OR14I1: variants seen among roughly 807,000 people sequenced by gnomAD.
OR14I1 encodes the protein olfactory receptor family 14 subfamily I member 1, also known as olfactory receptor 14I1.
For missense variants in OR14I1, 279 were observed against 181.8 expected (o/e 1.53, Z -3.07); for synonymous variants, 118 against 71.1 (o/e 1.66, Z -3.32).
the OR14I1 span, among the ~76,000 whole-genome samples, chr1:248,694,021 G>T: frequency 6.6e-6 from 1 of 152,112 alleles, no homozygotes; most frequent in Non-Finnish European, 1.5e-5. Context: ...TTTTCTTCAA[G>T]TTCACATGCC....
chr1:248,699,396 CTG>C, the OR14I1 span, among the ~76,000 whole-genome samples: 1 of 152,188 alleles, frequency 6.6e-6, no homozygotes, highest in African/African-American at 2.4e-5. Context: ...AAGTAGAAGA[CTG>C]TGGGTTTGAT....
At chr1:248,694,192 G>T in the OR14I1 span, among the ~76,000 whole-genome samples, 1 of 152,188 alleles carries the variant, frequency 6.6e-6, no homozygotes. Flanking sequence ...GCTGATCAGA[G>T]ATTGCTTAGT....
chr1:248,686,683 A>C (rs2103135972), upstream of OR14I1, among the ~76,000 whole-genome samples: 1 of 148,396 alleles, frequency 6.7e-6, no homozygotes, highest in African/African-American at 2.5e-5. Flanking sequence ...AAAAATTTGA[A>C]ATGATTGCTT....
the OR14I1 span, among the ~76,000 whole-genome samples, chr1:248,694,586 A>C: frequency 6.6e-6 from 1 of 152,130 alleles, no homozygotes; most frequent in African/African-American, 2.4e-5. Context: ...TTTTCATTTC[A>C]TCAGAATATG....
exon 1 of OR14I1, chr1:248,681,447 G>T: frequency 1.3e-6 from 1 of 780,948 alleles, no homozygotes; most frequent in Non-Finnish European, 2.4e-6. Context: ...GACTATATAT[G>T]ATGGGATTGA....
chr1:248,694,288 CT>C, the OR14I1 span, among the ~76,000 whole-genome samples: 1 of 152,066 alleles, frequency 6.6e-6, no homozygotes, highest in Non-Finnish European at 1.5e-5. Context: ...AATTTTAAAA[CT>C]TTTTTTCATA....
At chr1:248,693,906 A>G in the OR14I1 span, among the ~76,000 whole-genome samples, 1 of 152,032 alleles carries the variant, frequency 6.6e-6, no homozygotes, top group African/African-American at 2.4e-5. Context: ...TTTTAAAAAA[A>G]AAAAAAAAAA....
At chr1:248,694,593 T>C in the OR14I1 span, among the ~76,000 whole-genome samples, 5 of 152,236 alleles carry the variant, frequency 3.3e-5, no homozygotes, top group Admixed American at 3.3e-4. Flanking sequence ...TTCATCAGAA[T>C]ATGGCCATAT....
chr1:248,682,464 A>G (rs941434938), upstream of OR14I1, among the ~76,000 whole-genome samples: 1 of 152,198 alleles, frequency 6.6e-6, no homozygotes, highest in Middle Eastern at 3.2e-3. Flanking sequence ...ATGGTGGGAG[A>G]TTTTTAACAT....
upstream of OR14I1, among the ~76,000 whole-genome samples, chr1:248,686,973 A>C (rs1351740230): frequency 6.6e-6 from 1 of 152,204 alleles, no homozygotes; most frequent in Non-Finnish European, 1.5e-5. Flanking sequence ...GGGCCGCCAC[A>C]GTCTGGAGGA....
At chr1:248,688,303 G>C in the OR14I1 span, among the ~76,000 whole-genome samples, 1 of 152,200 alleles carries the variant, frequency 6.6e-6, no homozygotes, top group African/African-American at 2.4e-5. Flanking sequence ...TTAAGCCAAC[G>C]CTTTCTTCCT....
At chr1:248,682,020 A>G (rs1558190171) in exon 1 of OR14I1, 1 of 781,072 alleles carries the variant, frequency 1.3e-6, no homozygotes. Context: ...CTTGAGCCAC[A>G]CAGCCAAGAT....
upstream of OR14I1, among the ~76,000 whole-genome samples, chr1:248,685,815 GTATA>G (rs1266452320): frequency 2.0e-5 from 3 of 150,736 alleles, no homozygotes; most frequent in East Asian, 2.0e-4. Context: ...CATATAGTGT[GTATA>G]TATAGTTACT....
At chr1:248,700,218 G>T in the OR14I1 span, among the ~76,000 whole-genome samples, 1 of 152,050 alleles carries the variant, frequency 6.6e-6, no homozygotes, top group Non-Finnish European at 1.5e-5. Context: ...CCCCAACCAG[G>T]GTGACTTTAA....
At chr1:248,685,820 T>C (rs1022404388), upstream of OR14I1, among the ~76,000 whole-genome samples, 1 of 151,216 alleles carries the variant, frequency 6.6e-6, no homozygotes, top group Non-Finnish European at 1.5e-5. Flanking sequence ...AGTGTGTATA[T>C]ATAGTTACTG....
At chr1:248,690,622 A>AAT in the OR14I1 span, among the ~76,000 whole-genome samples, 1 of 27,768 alleles carries the variant, frequency 3.6e-5, no homozygotes, top group African/African-American at 7.7e-5. Flanking sequence ...AAAAAAAAAA[A>AAT]AGCCCAGGAA....
At chr1:248,698,247 T>C in the OR14I1 span, among the ~76,000 whole-genome samples, 3 of 152,234 alleles carry the variant, frequency 2.0e-5, no homozygotes, top group Non-Finnish European at 4.4e-5. Context: ...TAGCAATCAC[T>C]CGATTGCTAT....
At chr1:248,686,534 C>G (rs1661653472), upstream of OR14I1, among the ~76,000 whole-genome samples, 2 of 152,288 alleles carry the variant, frequency 1.3e-5, no homozygotes, top group South Asian at 4.1e-4. Context: ...CTCTCCAAAA[C>G]TGATTAAAAT....
the OR14I1 span, among the ~76,000 whole-genome samples, chr1:248,688,711 A>G: frequency 1.3e-5 from 2 of 152,230 alleles, no homozygotes; most frequent in African/African-American, 4.8e-5. Flanking sequence ...AGATCATGAC[A>G]ACAAGAAAGA....
Sources: gnomAD v4.1 joint callset for allele counts (sites outside exome capture counted in the v4.1 genomes callset) on GRCh38, gnomAD v4.1.1 for gene constraint, MANE v1.5 for transcripts, NCBI Gene and HGNC (gene_info 2026-07-23, HGNC 2026-07-21) for gene names.